MECOM: variants seen among roughly 807,000 people sequenced by gnomAD.
MECOM encodes histone-lysine N-methyltransferase MECOM.
MECOM carries 13 observed loss-of-function variants against 116.3 expected under a neutral mutation model. The observed-to-expected ratio is 0.11, with a 90% CI of 0.07 to 0.18. The LOEUF is 0.18. Ranked by LOEUF, MECOM falls within the 10% of genes least tolerant of loss-of-function variation. MECOM has a pLI of 1.00. For missense variants in MECOM, 1,299 were observed against 1,509.0 expected (o/e 0.86, Z 2.31); for synonymous variants, 528 against 535.2 (o/e 0.99, Z 0.19).
chr3:169,310,902 C>G (rs1396704277), intron 2 of MECOM, among the ~76,000 whole-genome samples: 5 of 152,194 alleles, frequency 3.3e-5, no homozygotes, highest in African/African-American at 1.2e-4. Flanking sequence ...GACCTGCAGC[C>G]TCTATCCCAG....
At chr3:169,382,440 CCACACTT>C (rs1285935511) in intron 1 of MECOM, among the ~76,000 whole-genome samples, 1 of 152,006 alleles carries the variant, frequency 6.6e-6, no homozygotes, top group East Asian at 1.9e-4. Context: ...CAGCACGGCG[CCACACTT>C]GAAGTAAACG....
intron 1 of MECOM, among the ~76,000 whole-genome samples, chr3:169,530,723 A>G (rs1758515816): frequency 6.6e-6 from 1 of 152,182 alleles, no homozygotes; most frequent in Non-Finnish European, 1.5e-5. Flanking sequence ...TTGATTAACC[A>G]TCTTGGGCCT....
chr3:169,412,270 A>C (rs962187331), intron 1 of MECOM, among the ~76,000 whole-genome samples: 1 of 147,630 alleles, frequency 6.8e-6, no homozygotes, highest in South Asian at 2.1e-4. Flanking sequence ...TGGGCAACAG[A>C]GTGAGACTCT....
intron 1 of MECOM, among the ~76,000 whole-genome samples, chr3:169,481,664 CTGTGTGTG>C (rs5854335): frequency 4.6e-5 from 7 of 151,208 alleles, no homozygotes; most frequent in African/African-American, 1.5e-4. Flanking sequence ...AGTGACAAAT[CTGTGTGTG>C]TGTGTGTGTG....
intron 2 of MECOM, among the ~76,000 whole-genome samples, chr3:169,264,348 C>A (rs1465552749): frequency 6.6e-6 from 1 of 152,210 alleles, no homozygotes. Flanking sequence ...ATTGAATATA[C>A]TGTTTTCTCC....
At position 169,148,377 on chromosome 3, in the gene MECOM, G is replaced by A. The variant is rs1037525859; in HGVS notation, c.376-4545C>T. Among the ~76,000 whole-genome samples, 5 of 151,860 alleles carry A rather than the reference G, an allele frequency of 3.3e-5. 1 individual carries two copies. The highest frequency in any genetic ancestry group is 3.3e-4 in the Admixed American group (5 of 15,244). ...TTAATAACTTTCTAATATACCTTGG[G>A]TACATTTAAACCAATACATTGTAGA... On this transcript the variant is annotated intron_variant, in intron 2 of 16. Coordinates refer to ENST00000651503, the MANE Select transcript of MECOM (RefSeq NM_004991.4).
intron 3 of MECOM, 49 bp from the exon 4 acceptor site, chr3:169,131,580 A>C: frequency 6.9e-7 from 1 of 1,445,498 alleles, no homozygotes; most frequent in Non-Finnish European, 9.5e-7. Context: ...AGAGAGATGT[A>C]TATATATTAA....
chr3:169,410,643 C>T (rs941476012), intron 1 of MECOM, among the ~76,000 whole-genome samples: 3 of 152,154 alleles, frequency 2.0e-5, no homozygotes, highest in Admixed American at 1.3e-4. Flanking sequence ...TCCACATTTA[C>T]AAAGTTAAGT....
chr3:169,198,969 T>C (rs915124779), intron 2 of MECOM, among the ~76,000 whole-genome samples: 2 of 152,032 alleles, frequency 1.3e-5, no homozygotes, highest in African/African-American at 4.8e-5. Context: ...ATGAAGAAGA[T>C]GGAATAAGTG....
intron 1 of MECOM, among the ~76,000 whole-genome samples, chr3:169,517,401 T>C (rs1023697421): frequency 1.3e-5 from 2 of 152,230 alleles, no homozygotes; most frequent in Non-Finnish European, 2.9e-5. Flanking sequence ...AAGCAGATTG[T>C]ATCTCTGAAT....
At chr3:169,415,422 C>T (rs1443153851) in intron 1 of MECOM, among the ~76,000 whole-genome samples, 1 of 152,098 alleles carries the variant, frequency 6.6e-6, no homozygotes, top group African/African-American at 2.4e-5. Context: ...CCAGCCACTG[C>T]AAAAACAAAC....
intron 1 of MECOM, among the ~76,000 whole-genome samples, chr3:169,621,951 C>A (rs79303977): frequency 1.3e-5 from 2 of 152,148 alleles, no homozygotes; most frequent in African/African-American, 4.8e-5. Context: ...AACTTCCTTA[C>A]GACTCCAATC....
chr3:169,235,450 GA>G (rs1249132889), intron 2 of MECOM, among the ~76,000 whole-genome samples: 1 of 151,720 alleles, frequency 6.6e-6, no homozygotes, highest in Admixed American at 6.6e-5. Flanking sequence ...AAGTCCCAAA[GA>G]ACCATTTATT....
chr3:169,100,101 CTTT>C (rs869032341), intron 12 of MECOM, among the ~76,000 whole-genome samples: 4 of 50,650 alleles, frequency 7.9e-5, no homozygotes, highest in Admixed American at 3.4e-4. Context: ...TTCTTTCTTT[CTTT>C]TTTTTTTTTT....
At chr3:169,404,047 T>C (rs924443712) in intron 1 of MECOM, among the ~76,000 whole-genome samples, 3 of 152,102 alleles carry the variant, frequency 2.0e-5, no homozygotes, top group Non-Finnish European at 4.4e-5. Context: ...ACCAAATCAG[T>C]CATTGTTGAG....
At position 169,121,154 on chromosome 3, in the gene MECOM, G is replaced by A. The variant is rs761094174; in HGVS notation, c.1034C>T (p.Ala345Val). The A allele has an allele frequency of 6.2e-7, 1 of 1,613,354 alleles. No individual in the cohort carries two copies. The highest frequency in any genetic ancestry group is 1.1e-5 in the South Asian group (1 of 90,894). ...QRHIRSQHVG[A>V]RAHACPECGK... ...ACACTCCGGGCATGCATGGGCCCGG[G>A]CACCGACATGCTGAGAGCGAATGTG... Residue 345 changes from alanine (A) to valine (V), a missense_variant, in exon 7 of 17, where the codon GCC becomes GTC. Ala to Val is a moderately conservative substitution (Grantham distance 64). Around this residue, in one of 6 missense-constraint regions of MECOM, gnomAD observed 374 missense variants for 433.4 expected, o/e 0.86. Transcript: ENST00000651503.
Position 169,591,392 on chromosome 3 carries a change from A to G in MECOM, c.37+71944T>C, listed in dbSNP as rs749280737. 2.8e-4 allele frequency among the ~76,000 whole-genome samples: 42 copies of G among 152,180 alleles called. 1 individual carries two copies. The highest frequency in any genetic ancestry group is 4.8e-4 in the Non-Finnish European group (33 of 68,046). On this transcript the variant is annotated intron_variant, in intron 1 of 16. Coordinates refer to ENST00000651503, the MANE Select transcript of MECOM (RefSeq NM_004991.4). ...AGGTAACCTTCTGCTGTTATTTTGTAGGCTGTGGACGGAGAAATCCCTGGA... is the reference window on the plus strand; with the variant it reads ...AGGTAACCTTCTGCTGTTATTTTGTGGGCTGTGGACGGAGAAATCCCTGGA...
intron 1 of MECOM, among the ~76,000 whole-genome samples, chr3:169,514,571 A>C (rs1299152457): frequency 6.6e-6 from 1 of 152,212 alleles, no homozygotes; most frequent in Non-Finnish European, 1.5e-5. Context: ...GAATGCCAAA[A>C]CCTTTCCTTT....
chr3:169,320,920 T>C lies in MECOM; in HGVS notation c.375+60267A>G, dbSNP rs115385452. Among the ~76,000 whole-genome samples, 508 of 152,284 alleles carry C rather than the reference T, an allele frequency of 3.3e-3. 2 individuals carry two copies. Among genetic ancestry groups the C allele is most frequent in the African/African-American group, 0.012 (489 of 41,546 alleles). On this transcript the variant is annotated intron_variant, in intron 2 of 16. Coordinates refer to ENST00000651503, the MANE Select transcript of MECOM (RefSeq NM_004991.4). The stretch of plus-strand genomic sequence containing the variant: ...ACTTTCTAGGTTCTGTGCTAGAATA[T>C]ATTTTATAAATGAACTGCCAGTAAC...
Sources: gnomAD v4.1 joint callset for allele counts (sites outside exome capture counted in the v4.1 genomes callset) on GRCh38, gnomAD v4.1.1 for gene constraint, gnomAD v4.1.1 regional missense constraint, MANE v1.5 for transcripts, NCBI Gene and HGNC (gene_info 2026-07-23, HGNC 2026-07-21) for gene names.